Variants in NOX4 observed in about 807,000 individuals in gnomAD.
NOX4 encodes the protein NADPH oxidase 4.
Under a neutral mutation model 87.6 loss-of-function variants are expected in NOX4, and 69 were observed. The observed-to-expected ratio is 0.79, with a 90% CI of 0.65 to 0.96. The LOEUF (loss-of-function observed/expected upper bound fraction) is 0.96. Ranked by LOEUF, NOX4 falls within the 40% of genes least tolerant of loss-of-function variation. NOX4 has a pLI of 0.00. For missense variants in NOX4, 680 were observed against 681.5 expected (o/e 1.00, Z 0.02); for synonymous variants, 275 against 238.2 (o/e 1.15, Z -1.42).
intron 2 of NOX4, among the ~76,000 whole-genome samples, chr11:89,478,744 A>T (rs1946268447): frequency 6.6e-6 from 1 of 152,188 alleles, no homozygotes; most frequent in Admixed American, 6.5e-5. Flanking sequence ...AACCCTGTAG[A>T]TCCATTCTCA....
the NOX4 span, among the ~76,000 whole-genome samples, chr11:89,565,445 G>A: frequency 6.6e-6 from 1 of 152,018 alleles, no homozygotes; most frequent in Admixed American, 6.6e-5. Context: ...CAGCTAATGA[G>A]CATTTTATTG....
At chr11:89,444,294 C>T in intron 4 of NOX4, 62 bp from the exon 5 acceptor site, 1 of 1,353,174 alleles carries the variant, frequency 7.4e-7, no homozygotes, top group Admixed American at 1.7e-5. Flanking sequence ...GTCAAGGACT[C>T]AGTTCTTCCT....
At chr11:89,414,260 G>A (rs532010502) in intron 8 of NOX4, among the ~76,000 whole-genome samples, 33 of 152,008 alleles carry the variant, frequency 2.2e-4, no homozygotes, top group African/African-American at 7.7e-4. Context: ...GCTTACTTGG[G>A]TTCGTTTATG....
intron 2 of NOX4, among the ~76,000 whole-genome samples, chr11:89,463,160 C>A (rs11018621): frequency 1.1e-4 from 16 of 151,778 alleles, no homozygotes; most frequent in Admixed American, 5.9e-4. Flanking sequence ...GTATGTAAAT[C>A]GTTTAATTGA....
At chr11:89,395,718 A>G (rs1264851117) in intron 11 of NOX4, among the ~76,000 whole-genome samples, 3 of 152,188 alleles carry the variant, frequency 2.0e-5, no homozygotes, top group Non-Finnish European at 4.4e-5. Flanking sequence ...AGCTTTCTAC[A>G]TACAACTAGC....
the NOX4 span, among the ~76,000 whole-genome samples, chr11:89,577,923 C>A: frequency 6.6e-6 from 1 of 151,996 alleles, no homozygotes; most frequent in Non-Finnish European, 1.5e-5. Context: ...TAGTACATTG[C>A]ATATTTCTAA....
At chr11:89,510,283 A>C in the NOX4 span, among the ~76,000 whole-genome samples, 42 of 152,172 alleles carry the variant, frequency 2.8e-4, no homozygotes, top group South Asian at 8.3e-3. Context: ...CAGAGCAAAG[A>C]AGCTTATATT....
At chr11:89,520,396 C>T in the NOX4 span, among the ~76,000 whole-genome samples, 1 of 152,176 alleles carries the variant, frequency 6.6e-6, no homozygotes, top group East Asian at 1.9e-4. Flanking sequence ...ATATATCCCT[C>T]ACTCTATCAG....
intron 2 of NOX4, among the ~76,000 whole-genome samples, chr11:89,477,272 A>C (rs1453383256): frequency 6.6e-6 from 1 of 152,152 alleles, no homozygotes; most frequent in Non-Finnish European, 1.5e-5. Flanking sequence ...TTAGATGTTC[A>C]TAAGGAGCTT....
chr11:89,472,953 C>T (rs993314213), intron 2 of NOX4, among the ~76,000 whole-genome samples: 3 of 152,164 alleles, frequency 2.0e-5, no homozygotes, highest in Non-Finnish European at 2.9e-5. Flanking sequence ...ATTTGAACAA[C>T]AGTAAACACT....
chr11:89,581,590 G>A, the NOX4 span, among the ~76,000 whole-genome samples: 3 of 152,064 alleles, frequency 2.0e-5, no homozygotes, highest in African/African-American at 4.8e-5. Context: ...TGGACTCCAC[G>A]TCAGACATCT....
rs1302108719 is a variant in NOX4 at position 89,446,976 on chromosome 11, C to T, written c.349+2464G>A. ...GGGGGAGGCTATACATGCATGAGGACAAATGATATACAAAAACTCTCTATA... is the reference window on the plus strand; with the variant it reads ...GGGGGAGGCTATACATGCATGAGGATAAATGATATACAAAAACTCTCTATA... On this transcript the variant is annotated intron_variant, in intron 4 of 17. Transcript: ENST00000263317. 2.6e-5 allele frequency among the ~76,000 whole-genome samples: 4 copies of T among 152,000 alleles called. No homozygotes were observed. In the East Asian group the frequency reaches 7.7e-4, roughly 29 times the overall value.
At chr11:89,417,036 G>T (rs1942820937) in intron 8 of NOX4, among the ~76,000 whole-genome samples, 1 of 152,054 alleles carries the variant, frequency 6.6e-6, no homozygotes, top group African/African-American at 2.4e-5. Context: ...TCACATTATA[G>T]TCTCTCTCAC....
chr11:89,439,218 T>C (rs1944352861), intron 6 of NOX4, among the ~76,000 whole-genome samples: 1 of 150,996 alleles, frequency 6.6e-6, no homozygotes, highest in Admixed American at 6.7e-5. Flanking sequence ...AAAGCTTTTG[T>C]TTCTCTCTCT....
intron 13 of NOX4, among the ~76,000 whole-genome samples, chr11:89,350,095 C>T (rs1409163935): frequency 6.6e-6 from 1 of 152,068 alleles, no homozygotes; most frequent in African/African-American, 2.4e-5. Flanking sequence ...AACTGTCACA[C>T]CTATTCATGT....
At position 89,490,504 on chromosome 11, in the gene NOX4, A is replaced by C. The variant is rs1236329551; in HGVS notation, c.107T>G (p.Leu36Arg). 1.2e-6 allele frequency: 2 copies of C among 1,614,114 alleles called. No homozygotes were observed. The highest frequency in any genetic ancestry group is 1.7e-6 in the Non-Finnish European group (2 of 1,179,972). Residue 36 changes from leucine to arginine, a missense_variant, in exon 2 of 18, where the codon CTG (leucine) becomes CGG (arginine). Coordinates refer to ENST00000263317, the MANE Select transcript of NOX4 (RefSeq NM_016931.5). ...NVLLFWKTFLLYNQGPEYHYL... is the reference protein window; with the variant it reads ...NVLLFWKTFLRYNQGPEYHYL... Reference sequence around the variant, plus strand: ...GTGATACTCTGGCCCTTGGTTATACAGCAAGAAGGTTTTCCAGAAAAGCAG... The same window carrying C: ...GTGATACTCTGGCCCTTGGTTATACCGCAAGAAGGTTTTCCAGAAAAGCAG...
Position 89,332,999 on chromosome 11 carries a change from G to A in NOX4, c.1616+2846C>T, listed in dbSNP as rs182113765. Among the ~76,000 whole-genome samples the A allele has an allele frequency of 4.8e-3, 733 of 151,956 alleles. 4 individuals are homozygous for A. The highest frequency in any genetic ancestry group is 7.6e-3 in the Non-Finnish European group (518 of 67,838). ...TCTGACTTTTAGTTTTTGTAGAGCA[G>A]TACCTAAATGTGTATACCTGTTGAG... is the stretch of plus-strand genomic sequence containing the variant. On this transcript the variant is annotated intron_variant, in intron 17 of 17. Transcript: ENST00000263317.
chr11:89,332,148 A>G lies in NOX4; in HGVS notation c.1616+3697T>C, dbSNP rs496199. ...TAGATTTGTAAACGCAGGATCTTACATAATGAGAACTTAATCACCCCGGAG... is the reference window on the plus strand; with the variant it reads ...TAGATTTGTAAACGCAGGATCTTACGTAATGAGAACTTAATCACCCCGGAG... On this transcript the variant is annotated intron_variant, in intron 17 of 17. Coordinates refer to ENST00000263317, the MANE Select transcript of NOX4 (RefSeq NM_016931.5). 9.0e-3 allele frequency among the ~76,000 whole-genome samples: 1,361 copies of G among 151,982 alleles called. 26 individuals carry two copies. Among genetic ancestry groups the G allele is most frequent in the African/African-American group, 0.031 (1,279 of 41,492 alleles).
Position 89,449,437 on chromosome 11 carries a change from C to A in NOX4, c.349+3G>T. On this transcript the variant is annotated splice_donor_region_variant and intron_variant, in intron 4 of 17. Coordinates refer to ENST00000263317, the MANE Select transcript of NOX4 (RefSeq NM_016931.5). ...ATTATTTAATATCTTGTGGCTTTCT[C>A]ACCTGAGAAAATACAGATAGTAACA... 1 of 1,586,996 alleles carries A rather than the reference C, an allele frequency of 6.3e-7. No individual in the cohort carries two copies. Among genetic ancestry groups the A allele is most frequent in the Non-Finnish European group, 8.6e-7 (1 of 1,162,500 alleles).
Sources: gnomAD v4.1 joint callset for allele counts (sites outside exome capture counted in the v4.1 genomes callset) on GRCh38, gnomAD v4.1.1 for gene constraint, MANE v1.5 for transcripts, NCBI Gene and HGNC (gene_info 2026-07-23, HGNC 2026-07-21) for gene names.